Variants in RHPN2 observed in about 807,000 individuals in gnomAD.
RHPN2 encodes the protein rhophilin Rho GTPase binding protein 2.
In RHPN2, 40 loss-of-function variants were observed where a neutral mutation model predicts 79.0. That is an observed-to-expected ratio of 0.51 (90% CI 0.39 to 0.66). RHPN2 has a LOEUF of 0.66. Among genes scored for constraint, RHPN2 ranks in the 30% least tolerant of loss-of-function variants. The pLI, the probability that RHPN2 is intolerant of heterozygous loss-of-function variation, is 0.00. For missense variants in RHPN2, 686 were observed against 883.5 expected (o/e 0.78, Z 2.83); for synonymous variants, 285 against 363.5 (o/e 0.78, Z 2.46).
chr19:33,060,963 CG>C (rs1200095145), intron 1 of RHPN2, among the ~76,000 whole-genome samples: 1 of 152,158 alleles, frequency 6.6e-6, no homozygotes, highest in Non-Finnish European at 1.5e-5. Context: ...CTTTCCCATT[CG>C]CCACCCATTC....
At chr19:33,030,413 TA>T (rs1972001612) in intron 2 of RHPN2, among the ~76,000 whole-genome samples, 1 of 151,888 alleles carries the variant, frequency 6.6e-6, no homozygotes, top group African/African-American at 2.4e-5. Flanking sequence ...GGCCACATGG[TA>T]AAACCCCGTC....
Position 33,021,644 on chromosome 19 carries a change from T to A in RHPN2, c.317A>T (p.Glu106Val), listed in dbSNP as rs1390398014. ...AGGAATCAGGGGAATCGTAAATGCC[T>A]CCCTATGAGGAACACAACAAGGTAT... ...ISVGVYQNTE[E>V]AFTIPLIPLG... The change falls in exon 4 of 15, where the codon GAG becomes GTG. Residue 106 changes from glutamate to valine, a missense_variant and splice_region_variant. Glu to Val is a moderately radical substitution (Grantham distance 121). Transcript: ENST00000254260. 1 of 1,613,274 alleles carries A rather than the reference T, an allele frequency of 6.2e-7. No homozygotes were observed. Among genetic ancestry groups the A allele is most frequent in the Admixed American group, 1.7e-5 (1 of 60,010 alleles).
intron 6 of RHPN2, among the ~76,000 whole-genome samples, chr19:33,010,173 C>T (rs1180040697): frequency 1.3e-5 from 2 of 152,264 alleles, no homozygotes; most frequent in Non-Finnish European, 2.9e-5. Context: ...TTCGCCTTTT[C>T]GGCCATGCAG....
At position 32,990,586 on chromosome 19, in the gene RHPN2, C is replaced by G; in HGVS notation, c.1728G>C (p.Lys576Asn). The G allele has an allele frequency of 6.2e-7, 1 of 1,613,898 alleles. No individual in the cohort carries two copies. Among genetic ancestry groups the G allele is most frequent in the Non-Finnish European group, 8.5e-7 (1 of 1,179,850 alleles). Residue 576 changes from lysine (K) to asparagine (N), a missense_variant, in exon 14 of 15, where the codon AAG (lysine) becomes AAC (asparagine). Physicochemically the swap from Lys to Asn is moderately conservative, Grantham distance 94. Transcript: ENST00000254260. The stretch of plus-strand genomic sequence containing the variant: ...CGTCCTCGCCAAAGCTCTTCAGCAG[C>G]TTCATAACCTCACTCAGCGTCAGCC... ...CKWLTLSEVM[K>N]LLKSFGEDEI... is the part of the protein sequence containing the mutation.
chr19:33,044,426 T>G, intron 1 of RHPN2, 62 bp from the exon 2 acceptor site: 1 of 1,012,038 alleles, frequency 9.9e-7, no homozygotes, highest in Non-Finnish European at 1.6e-6. Context: ...TGACAGGGTT[T>G]AATATAATGG....
rs1206354769 is a variant in RHPN2, at chr19:33,007,537, G to C, written c.760+477C>G. 3.3e-5 allele frequency among the ~76,000 whole-genome samples: 5 copies of C among 151,544 alleles called. 1 individual carries two copies. The highest frequency in any genetic ancestry group is 9.7e-5 in the African/African-American group (4 of 41,212). On this transcript the variant is annotated intron_variant, in intron 7 of 14. Transcript: ENST00000254260. ...ATAAATAAATAAATAAAGGCACGGA[G>C]AGTAATACGCACTGATAAGGTACAC...
At chr19:32,999,444 A>C (rs1971730619) in intron 10 of RHPN2, 142 bp downstream of exon 10, 1 of 1,019,408 alleles carries the variant, frequency 9.8e-7, no homozygotes, top group African/African-American at 1.6e-5. Context: ...GCGCCTCATG[A>C]CTTCTGAACC....
rs111831738 is a variant in RHPN2, at chr19:33,015,773, G to C, written c.391-3049C>G. Among the ~76,000 whole-genome samples the C allele has an allele frequency of 4.1e-3, 619 of 152,266 alleles. 5 individuals are homozygous for C. Among genetic ancestry groups the C allele is most frequent in the African/African-American group, 0.014 (592 of 41,566 alleles). On this transcript the variant is annotated intron_variant, in intron 4 of 14. Transcript: ENST00000254260. Reference sequence around the variant, plus strand: ...TTAGAAAAACTTAGCAGACAGCCAGGTGTGGTGGCTCACATCTGTAATCCC... The same window carrying C: ...TTAGAAAAACTTAGCAGACAGCCAGCTGTGGTGGCTCACATCTGTAATCCC...
At chr19:33,024,508 G>A (rs1226531130) in intron 3 of RHPN2, among the ~76,000 whole-genome samples, 1 of 152,122 alleles carries the variant, frequency 6.6e-6, no homozygotes, top group African/African-American at 2.4e-5. Flanking sequence ...GTGTCACAAA[G>A]GGAAGAGCCA....
At position 32,978,632 on chromosome 19, in the gene RHPN2, A is replaced by G. The variant is rs1316327884; in HGVS notation, c.*1364T>C. On this transcript the variant is annotated 3_prime_UTR_variant, in exon 15 of 15. Coordinates refer to ENST00000254260, the MANE Select transcript of RHPN2 (RefSeq NM_033103.5). ...TGTTTATTTAAATATGTATACAAGCATGGCCCTAGGAGCAGCAGATACACT... is the reference window on the plus strand; with the variant it reads ...TGTTTATTTAAATATGTATACAAGCGTGGCCCTAGGAGCAGCAGATACACT... 6.6e-6 allele frequency: 1 copy of G among 152,662 alleles called. No homozygotes were observed. Among genetic ancestry groups the G allele is most frequent in the Non-Finnish European group, 1.5e-5 (1 of 68,042 alleles). The allele number at this position is 152,662 out of a possible 1,614,324, so 9.5% of individuals were successfully genotyped here.
At chr19:32,998,342 G>A (rs971465217) in intron 10 of RHPN2, among the ~76,000 whole-genome samples, 1 of 152,156 alleles carries the variant, frequency 6.6e-6, no homozygotes, top group African/African-American at 2.4e-5. Context: ...CAAATGTAGG[G>A]TGAGAAAGTA....
chr19:33,060,454 C>T (rs1157967123), intron 1 of RHPN2, among the ~76,000 whole-genome samples: 1 of 152,154 alleles, frequency 6.6e-6, no homozygotes, highest in Admixed American at 6.6e-5. Context: ...TCTGTGTGGA[C>T]CCCTGGTCTG....
intron 14 of RHPN2, among the ~76,000 whole-genome samples, chr19:32,982,987 ACCAAGCCCT>A (rs1971586130): frequency 6.7e-6 from 1 of 149,936 alleles, no homozygotes; most frequent in East Asian, 2.0e-4. Flanking sequence ...GTCCCCCAAG[ACCAAGCCCT>A]TCTGTGTGCC....
chr19:33,038,264 G>A (rs1481130861), intron 2 of RHPN2, among the ~76,000 whole-genome samples: 3 of 149,742 alleles, frequency 2.0e-5, no homozygotes, highest in Admixed American at 6.7e-5. Context: ...CAGGAGAATC[G>A]CTTGAACCCA....
At chr19:33,064,313 G>A (rs1972307386) in intron 1 of RHPN2, among the ~76,000 whole-genome samples, 1 of 143,116 alleles carries the variant, frequency 7.0e-6, no homozygotes, top group South Asian at 2.4e-4. Flanking sequence ...CAGCCTGGGC[G>A]ACAGAGCGCC....
At chr19:33,047,804 T>C (rs1972153853) in intron 1 of RHPN2, among the ~76,000 whole-genome samples, 2 of 152,080 alleles carry the variant, frequency 1.3e-5, no homozygotes. Context: ...CCAAGCACTT[T>C]GAGAGGCTGA....
intron 2 of RHPN2, among the ~76,000 whole-genome samples, chr19:33,030,761 A>C (rs1201830240): frequency 2.6e-5 from 4 of 152,172 alleles, no homozygotes; most frequent in African/African-American, 9.7e-5. Context: ...TTATGTTTGC[A>C]ACCCTCCAAT....
intron 1 of RHPN2, among the ~76,000 whole-genome samples, chr19:33,059,705 C>G (rs1972264187): frequency 6.6e-6 from 1 of 152,082 alleles, no homozygotes; most frequent in African/African-American, 2.4e-5. Flanking sequence ...TGCCCTTCTC[C>G]CCCTGTACCC....
At chr19:33,030,216 G>T (rs777340376) in intron 2 of RHPN2, among the ~76,000 whole-genome samples, 9 of 152,116 alleles carry the variant, frequency 5.9e-5, no homozygotes, top group Non-Finnish European at 1.2e-4. Context: ...GACTGCCCCA[G>T]AAAATAAGAT....
Sources: allele counts gnomAD v4.1 joint callset (sites outside exome capture counted in the v4.1 genomes callset), GRCh38; gene constraint gnomAD v4.1.1; transcripts MANE v1.5; gene names NCBI Gene and HGNC (gene_info 2026-07-23, HGNC 2026-07-21).